Variants in ZFP28 observed in about 807,000 individuals in gnomAD.
ZFP28 encodes ZFP28 zinc finger protein.
ZFP28 carries 31 observed loss-of-function variants against 39.5 expected under a neutral mutation model. That is an observed-to-expected ratio of 0.79 (90% CI 0.59 to 1.06). ZFP28 has a LOEUF of 1.06. Ranked by LOEUF, ZFP28 falls within the 50% of genes least tolerant of loss-of-function variation. The probability of loss-of-function intolerance (pLI) is 0.00; values close to 1 mark genes in which losing one functional copy is unlikely to be tolerated. For missense variants in ZFP28, 925 were observed against 1,048.4 expected, an observed-to-expected ratio of 0.88 and a Z score of 1.63; for synonymous variants, 400 against 378.6, an observed-to-expected ratio of 1.06 and a Z score of -0.66.
In ZFP28 at chr19:56,556,466, TCTG is replaced by T. The variant is rs2044352006; in HGVS notation, c.*1080_*1082del. On this transcript the variant is annotated 3_prime_UTR_variant, in exon 8 of 8. Coordinates refer to ENST00000301318, the MANE Select transcript of ZFP28 (RefSeq NM_020828.2). ...ACTAAAGCCCATGGACCAAATCCTA[TCTG>T]CTGCTTGTTTTTGTAAATAGAGTTT... 1 of 152,194 alleles carries T rather than the reference TCTG, an allele frequency of 6.6e-6. No homozygotes were observed. Among genetic ancestry groups the T allele is most frequent in the Non-Finnish European group, 1.5e-5 (1 of 68,038 alleles). 9.4% of individuals were successfully genotyped at this position (152,194 alleles called of 1,614,324 possible). A position where few individuals can be genotyped will look rare whatever the true frequency, so the allele number is the denominator to read the frequency against.
chr19:56,554,725 G>C lies in ZFP28; in HGVS notation c.1940G>C (p.Cys647Ser). The C allele has an allele frequency of 6.2e-7, 1 of 1,614,152 alleles. No individual in the cohort carries two copies. Among genetic ancestry groups the C allele is most frequent in the Non-Finnish European group, 8.5e-7 (1 of 1,180,026 alleles). ...CATACTGGAGAGAAGCCCTATGAAT[G>C]TAAGGTTTGTAGTAAAGCGTTCACC... ...RIHTGEKPYE[C>S]KVCSKAFTQK... The change falls in exon 8 of 8, where the codon TGT becomes TCT. Residue 647 changes from cysteine (C) to serine (S), a missense_variant. By Grantham distance (112) the Cys-to-Ser change is moderately radical. This residue lies in a region of ZFP28 where 369 missense variants were observed against 505.5 expected (regional missense o/e 0.73). Transcript: ENST00000301318. The surrounding 1 kb of genome is among the most constrained non-coding windows in gnomAD (Gnocchi z 6.7).
In ZFP28 at chr19:56,550,359, T is replaced by C; in HGVS notation, c.803-151T>C. 5.7e-6 allele frequency: 5 copies of C among 882,846 alleles called. No homozygotes were observed. The South Asian group carries it at 8.8e-5, about 16-fold the overall frequency. 54.7% of individuals were successfully genotyped at this position (882,846 alleles called of 1,614,324 possible). A position where few individuals can be genotyped will look rare whatever the true frequency, so the allele number is the denominator to read the frequency against. ...GTGAAAGTTGGTGTCTTTGTTAGGCTTGAAGCGTTATCTTCTTGTGTCTTT... is the reference window on the plus strand; with the variant it reads ...GTGAAAGTTGGTGTCTTTGTTAGGCCTGAAGCGTTATCTTCTTGTGTCTTT... On this transcript the variant is annotated intron_variant, in intron 6 of 7. Coordinates refer to ENST00000301318, the MANE Select transcript of ZFP28 (RefSeq NM_020828.2).
chr19:56,541,037 G>A (rs929334256), intron 2 of ZFP28, among the ~76,000 whole-genome samples: 1 of 152,086 alleles, frequency 6.6e-6, no homozygotes, highest in Non-Finnish European at 1.5e-5. Context: ...CTACCCACAT[G>A]GTGGCTCCTC....
intron 1 of ZFP28, 85 bp downstream of exon 1, chr19:56,539,311 G>T: frequency 7.3e-7 from 1 of 1,369,394 alleles, no homozygotes; most frequent in Admixed American, 2.5e-5. Context: ...GGCTCTCGGG[G>T]ACCAGTTGCT....
At chr19:56,548,718 G>C (rs2159162) in intron 4 of ZFP28, among the ~76,000 whole-genome samples, 51,513 of 151,998 alleles carry the variant, frequency 0.34, 9,405 homozygotes, top group East Asian at 0.62. Context: ...CAACTTTTAG[G>C]TGGGAAAGGT....
Position 56,553,750 on chromosome 19 carries a change from C to T in ZFP28, c.965C>T (p.Thr322Ile). 1.9e-6 allele frequency: 3 copies of T among 1,614,066 alleles called. No individual in the cohort carries two copies. The highest frequency in any genetic ancestry group is 2.5e-6 in the Non-Finnish European group (3 of 1,180,006). The part of the protein sequence containing the change: ...PKQDSYAEGV[T>I]DRTSNTKLDC... The stretch of plus-strand genomic sequence containing the variant: ...CAAGATTCATATGCTGAAGGGGTAA[C>T]AGACAGAACCTCAAACACTAAACTT... Residue 322 changes from threonine (T) to isoleucine (I), a missense_variant, in exon 8 of 8, where the codon ACA becomes ATA. Transcript: ENST00000301318.
At chr19:56,551,897 A>G in intron 7 of ZFP28, 1 of 982,846 alleles carries the variant, frequency 1.0e-6, no homozygotes, top group Non-Finnish European at 1.2e-6. Context: ...TCTGTGATAT[A>G]TTGTCTCAAA....
chr19:56,542,432 T>C (rs563383732), intron 2 of ZFP28, among the ~76,000 whole-genome samples: 2 of 152,286 alleles, frequency 1.3e-5, no homozygotes, highest in South Asian at 4.1e-4. Flanking sequence ...CGATTAGAGG[T>C]GTGATTCCCC....
chr19:56,554,936 T>A lies in ZFP28; in HGVS notation c.2151T>A (p.Thr717=). 6.2e-7 allele frequency: 1 copy of A among 1,614,172 alleles called. No homozygotes were observed. The highest frequency in any genetic ancestry group is 1.1e-5 in the South Asian group (1 of 91,082). Reference sequence around the variant, plus strand: ...CCTTTGGTGATAACTCATCCTGTACTCAACATCAAAGACTGCACACTGGCC... The same window carrying A: ...CCTTTGGTGATAACTCATCCTGTACACAACATCAAAGACTGCACACTGGCC... The part of the protein sequence containing the change: ...GKAFGDNSSC[T]QHQRLHTGQR... The change falls in exon 8 of 8, where the codon ACT becomes ACA. Residue 717 remains threonine, a synonymous_variant. Transcript: ENST00000301318. This position sits in a 1 kb window ranked among gnomAD's most constrained non-coding sequence, Gnocchi z 6.7.
At chr19:56,550,770 C>T in intron 7 of ZFP28, 165 bp downstream of exon 7, 3 of 1,532,992 alleles carry the variant, frequency 2.0e-6, no homozygotes, top group Non-Finnish European at 2.6e-6. Flanking sequence ...CTTTCCTCCT[C>T]CTTTGCCCCC....
intron 5 of ZFP28, 115 bp from the exon 6 acceptor site, chr19:56,549,952 T>G: frequency 1.4e-6 from 1 of 693,092 alleles, no homozygotes; most frequent in East Asian, 2.8e-5. Context: ...AGAACTTAAG[T>G]TGCAGTTCTT....
At chr19:56,553,373 A>T (rs1431033844) in intron 7 of ZFP28, among the ~76,000 whole-genome samples, 1 of 151,984 alleles carries the variant, frequency 6.6e-6, no homozygotes, top group Non-Finnish European at 1.5e-5. Flanking sequence ...GGCACATACT[A>T]CCATGCCTGG....
At chr19:56,553,547 G>T in intron 7 of ZFP28, 137 bp from the exon 8 acceptor site, 1 of 1,184,100 alleles carries the variant, frequency 8.4e-7, no homozygotes, top group Admixed American at 2.9e-5. Context: ...GGCCCTAAAT[G>T]TAATAGTTTT....
Position 56,547,936 on chromosome 19 carries a change from C to G in ZFP28, c.523+34C>G. ...GGGAGAACCAGGTAGGGTGAGGCCA[C>G]TGCTGGTCATAGTTCAGCTGACTCA... On this transcript the variant is annotated intron_variant, in intron 4 of 7. Transcript: ENST00000301318. The surrounding 1 kb of genome is among the most constrained non-coding windows in gnomAD (Gnocchi z 4.6). The G allele has an allele frequency of 6.2e-7, 1 of 1,608,142 alleles. No homozygotes were observed. Among genetic ancestry groups the G allele is most frequent in the Non-Finnish European group, 8.5e-7 (1 of 1,175,072 alleles).
intron 2 of ZFP28, among the ~76,000 whole-genome samples, chr19:56,545,068 G>C (rs946547969): frequency 2.6e-5 from 4 of 152,176 alleles, no homozygotes; most frequent in Non-Finnish European, 5.9e-5. Flanking sequence ...CAAAATTATT[G>C]CTGAGAGCTG....
At position 56,555,271 on chromosome 19, in the gene ZFP28, CTCA is replaced by C. The variant is rs746742851; in HGVS notation, c.2493_2495del (p.His831del). On this transcript the variant is annotated inframe_deletion, in exon 8 of 8. Coordinates refer to ENST00000301318, the MANE Select transcript of ZFP28 (RefSeq NM_020828.2). ...GTCTTCAGGCAAACTGCTCACTTAG[CTCA>C]TCATCAGCGAATTCATACTGGAGAG... 1.4e-5 allele frequency: 22 copies of C among 1,614,166 alleles called. No individual in the cohort carries two copies. The highest frequency in any genetic ancestry group is 1.7e-5 in the Admixed American group (1 of 60,024).
At position 56,554,178 on chromosome 19, in the gene ZFP28, C is replaced by T. The variant is rs768827815; in HGVS notation, c.1393C>T (p.Arg465Ter). Residue 465 changes from arginine to a stop codon, truncating the protein, a stop_gained, in exon 8 of 8, where the codon CGA (arginine) becomes TGA (stop). Transcript: ENST00000301318. LOFTEE classifies it low-confidence loss of function (END_TRUNC). This position sits in a 1 kb window ranked among gnomAD's most constrained non-coding sequence, Gnocchi z 6.7. ...CTTTAGTGACGGCTCATCCTTTGCCCGACACCAGAGATGTCACACTGGCAA... is the reference window on the plus strand; with the variant it reads ...CTTTAGTGACGGCTCATCCTTTGCCTGACACCAGAGATGTCACACTGGCAA... ...KAFSDGSSFARHQRCHTGKKP... is the reference protein window; with the variant it reads ...KAFSDGSSFA 5 of 1,614,014 alleles carry T rather than the reference C, an allele frequency of 3.1e-6. No homozygotes were observed. Among genetic ancestry groups the T allele is most frequent in the Admixed American group, 1.7e-5 (1 of 60,008 alleles).
Position 56,554,962 on chromosome 19 carries a change from A to G in ZFP28, c.2177A>G (p.Gln726Arg), listed in dbSNP as rs559657966. ...CTQHQRLHTG[Q>R]RPYECIECGK... ...CAACATCAAAGACTGCACACTGGCC[A>G]AAGACCTTATGAATGTATTGAGTGT... is the stretch of plus-strand genomic sequence containing the variant. Residue 726 changes from glutamine to arginine, a missense_variant, in exon 8 of 8, where the codon CAA becomes CGA. Physicochemically the swap from Gln to Arg is conservative, Grantham distance 43. Around this residue, in one of 2 missense-constraint regions of ZFP28, gnomAD observed 369 missense variants for 505.5 expected, o/e 0.73. Coordinates refer to ENST00000301318, the MANE Select transcript of ZFP28 (RefSeq NM_020828.2). This position sits in a 1 kb window ranked among gnomAD's most constrained non-coding sequence, Gnocchi z 6.7. 1.2e-6 allele frequency: 2 copies of G among 1,614,180 alleles called. No individual in the cohort carries two copies. Among genetic ancestry groups the G allele is most frequent in the Non-Finnish European group, 8.5e-7 (1 of 1,180,032 alleles).
Position 56,555,254 on chromosome 19 carries a change from G to A in ZFP28, c.2469G>A (p.Arg823=), listed in dbSNP as rs1474565803. 2.5e-6 allele frequency: 4 copies of A among 1,614,002 alleles called. No individual in the cohort carries two copies. The African/African-American group carries it at 5.3e-5, about 22-fold the overall frequency. ...YNYKKSRKVF[R]QTAHLAHHQR... is the part of the protein sequence containing the mutation. ...ATAAGAAAAGCAGAAAAGTCTTCAG[G>A]CAAACTGCTCACTTAGCTCATCATC... Residue 823 remains arginine, a synonymous_variant, in exon 8 of 8, where the codon AGG becomes AGA. Transcript: ENST00000301318.
Sources: allele counts gnomAD v4.1 joint callset (sites outside exome capture counted in the v4.1 genomes callset), GRCh38; gene constraint gnomAD v4.1.1; regional missense constraint gnomAD v4.1.1; non-coding constraint Gnocchi (gnomAD v3.1); transcripts MANE v1.5; gene names NCBI Gene and HGNC (gene_info 2026-07-23, HGNC 2026-07-21).